The following DMD variants were observed in gnomAD, a reference collection of about 807,000 sequenced individuals.
DMD encodes the protein dystrophin, also known as mutant dystrophin.
In DMD, 63 loss-of-function variants were observed where a neutral mutation model predicts 330.1. The ratio of observed to expected loss-of-function variants is 0.19; its 90% CI spans 0.16 to 0.24. The LOEUF is 0.24. Among genes scored for constraint, DMD ranks in the 10% least tolerant of loss-of-function variants. DMD has a pLI of 1.00. For missense variants in DMD, 3,344 were observed against 2,684.1 expected (o/e 1.25, Z -5.43); for synonymous variants, 1,223 against 959.8 (o/e 1.27, Z -5.07).
At chrX:31,299,850 A>G (rs1014101428) in intron 62 of DMD, among the ~76,000 whole-genome samples, 1 of 109,832 alleles carries the variant, frequency 9.1e-6, no homozygotes, top group African/African-American at 3.3e-5. Flanking sequence ...AAAAATAACT[A>G]TCTGAGGAAA....
intron 2 of DMD, among the ~76,000 whole-genome samples, chrX:33,016,660 G>A (rs757528663): frequency 1.3e-4 from 15 of 111,745 alleles, no homozygotes; most frequent in African/African-American, 2.3e-4. Flanking sequence ...AGAAGAGTGA[G>A]TATGGAAATA....
At chrX:31,635,519 C>A (rs2079363721) in intron 54 of DMD, among the ~76,000 whole-genome samples, 1 of 111,469 alleles carries the variant, frequency 9.0e-6, no homozygotes, top group Admixed American at 9.6e-5. Context: ...CAGAAGACAG[C>A]AAAGCAGGCA....
At chrX:33,092,604 T>G (rs73452090) in intron 1 of DMD, among the ~76,000 whole-genome samples, 2,674 of 111,310 alleles carry the variant, frequency 0.024, 76 homozygotes, top group African/African-American at 0.083. Flanking sequence ...ATTATTTATC[T>G]TCTTAGCCAA....
intron 2 of DMD, among the ~76,000 whole-genome samples, chrX:32,870,049 T>C (rs1378631958): frequency 9.0e-6 from 1 of 111,358 alleles, no homozygotes; most frequent in Admixed American, 9.6e-5. Flanking sequence ...GAAAACTCCA[T>C]CGTCTCACCC....
chrX:31,458,063 T>TA (rs758884307), intron 59 of DMD, among the ~76,000 whole-genome samples: 12 of 111,921 alleles, frequency 1.1e-4, no homozygotes, highest in Admixed American at 1.1e-3. Flanking sequence ...TTCAACTACT[T>TA]AAAGTCAAAC....
At position 31,960,688 on chromosome X, in the gene DMD, A is replaced by G. The variant is rs776493816; in HGVS notation, c.6614+7651T>C. On this transcript the variant is annotated intron_variant, in intron 45 of 78. Transcript: ENST00000357033. ...ATCTCCACACAGTGGTATCATCATT[A>G]CCAGCCAATGCAACAACATATTTGG... Among the ~76,000 whole-genome samples, 134 of 112,273 alleles carry G rather than the reference A, an allele frequency of 1.2e-3. 1 individual carries two copies. The highest frequency in any genetic ancestry group is 4.0e-3 in the African/African-American group (124 of 30,939).
chrX:31,290,136 G>C (rs754952946), intron 62 of DMD, among the ~76,000 whole-genome samples: 1 of 109,563 alleles, frequency 9.1e-6, no homozygotes, highest in African/African-American at 3.3e-5. Flanking sequence ...GGCCAGGCTG[G>C]TCTTGAACTC....
chrX:32,560,172 C>A (rs542253504), intron 16 of DMD, among the ~76,000 whole-genome samples: 1 of 96,413 alleles, frequency 1.0e-5, no homozygotes. Flanking sequence ...ACTACAAAAC[C>A]TTTAGACTCG....
At chrX:31,144,862 C>T (rs1377009619) in intron 76 of DMD, among the ~76,000 whole-genome samples, 1 of 111,545 alleles carries the variant, frequency 9.0e-6, no homozygotes, top group East Asian at 2.8e-4. Flanking sequence ...TCTAGCCAGA[C>T]ACAGCAGGAA....
rs3805047 is a variant in DMD at position 32,488,529 on chromosome X, T to C, written c.2622+2748A>G. Among the ~76,000 whole-genome samples, 725 of 111,942 alleles carry C rather than the reference T, an allele frequency of 6.5e-3. 6 individuals are homozygous for C. The highest frequency in any genetic ancestry group is 0.061 in the South Asian group (161 of 2,649). ...TCACTAATCTCAGCAGAACAGTATA[T>C]ATATTTGCCCTTGTATGAATAATAT... On this transcript the variant is annotated intron_variant, in intron 20 of 78. Transcript: ENST00000357033.
intron 44 of DMD, among the ~76,000 whole-genome samples, chrX:31,979,143 C>T (rs2150245586): frequency 8.9e-6 from 1 of 111,869 alleles, no homozygotes; most frequent in Non-Finnish European, 1.9e-5. Flanking sequence ...TAGTCTCCAA[C>T]CCCTGAGCTC....
intron 33 of DMD, among the ~76,000 whole-genome samples, chrX:32,383,903 C>T (rs764064205): frequency 1.0e-3 from 109 of 108,866 alleles, no homozygotes; most frequent in South Asian, 1.2e-3. Context: ...GCAATGATTT[C>T]GTAAAAATTC....
At chrX:31,728,523 T>C (rs940478713) in intron 52 of DMD, among the ~76,000 whole-genome samples, 1 of 112,048 alleles carries the variant, frequency 8.9e-6, no homozygotes, top group Non-Finnish European at 1.9e-5. Context: ...TATGTGGAAG[T>C]ATGACTAATA....
chrX:31,693,096 C>A (rs1278733130), intron 52 of DMD, among the ~76,000 whole-genome samples: 2 of 111,721 alleles, frequency 1.8e-5, no homozygotes, highest in African/African-American at 6.5e-5. Flanking sequence ...AGGGATTTAT[C>A]CCTGGGATAG....
chrX:32,777,277 T>TGGGGGGGGGGGGTTGGG lies in DMD; in HGVS notation c.649+32215_649+32216insCCCAACCCCCCCCCCCC, dbSNP rs546914107. ...CTAGTTTTTAAGTTTGGTTTCTGGT[T>TGGGGGGGGGGGGTTGGG]GGGGGGGGAATCCTACCAAGCTAGG... is the stretch of plus-strand genomic sequence containing the variant. On this transcript the variant is annotated intron_variant, in intron 7 of 78. Coordinates refer to ENST00000357033, the MANE Select transcript of DMD (RefSeq NM_004006.3). Among the ~76,000 whole-genome samples, 8 of 2,111 alleles carry TGGGGGGGGGGGGTTGGG rather than the reference T, an allele frequency of 3.8e-3. 1 individual carries two copies. Among genetic ancestry groups the TGGGGGGGGGGGGTTGGG allele is most frequent in the African/African-American group, 6.2e-3 (2 of 323 alleles). 1.8% of individuals were successfully genotyped at this position (2,111 alleles called of 115,157 possible).
At chrX:32,885,079 C>T (rs1776480911) in intron 2 of DMD, among the ~76,000 whole-genome samples, 1 of 111,820 alleles carries the variant, frequency 8.9e-6, no homozygotes, top group Non-Finnish European at 1.9e-5. Flanking sequence ...CACACGTAAT[C>T]ATTTATTAAA....
intron 60 of DMD, among the ~76,000 whole-genome samples, chrX:31,392,324 G>A (rs998605805): frequency 3.5e-5 from 4 of 112,704 alleles, no homozygotes; most frequent in Non-Finnish European, 7.5e-5. Context: ...TGAAACTGTT[G>A]AGCTAATAAA....
intron 2 of DMD, among the ~76,000 whole-genome samples, chrX:32,959,754 C>G (rs1049546436): frequency 2.7e-5 from 3 of 110,971 alleles, no homozygotes; most frequent in African/African-American, 9.8e-5. Flanking sequence ...TTGATATAAA[C>G]TTCAAAAGAC....
chrX:33,071,747 A>G (rs1078180), intron 1 of DMD, among the ~76,000 whole-genome samples: 3,537 of 111,663 alleles, frequency 0.032, 130 homozygotes, highest in African/African-American at 0.11. Flanking sequence ...ATGAATTTTA[A>G]AAGGAGTCAC....
Sources: gnomAD v4.1 joint callset for allele counts (sites outside exome capture counted in the v4.1 genomes callset) on GRCh38, gnomAD v4.1.1 for gene constraint, MANE v1.5 for transcripts, NCBI Gene and HGNC (gene_info 2026-07-23, HGNC 2026-07-21) for gene names.